The following ARHGEF26 variants were observed in gnomAD, a reference collection of about 807,000 sequenced individuals.
The protein encoded by ARHGEF26 is Rho guanine nucleotide exchange factor 26.
ARHGEF26 carries 59 observed loss-of-function variants against 89.4 expected under a neutral mutation model. The ratio of observed to expected loss-of-function variants is 0.66; its 90% confidence interval spans 0.54 to 0.82. The LOEUF (loss-of-function observed/expected upper bound fraction) is 0.82, where lower values mean the gene tolerates loss of function less well. Ranked by LOEUF, ARHGEF26 falls within the 40% of genes least tolerant of loss-of-function variation. The pLI, the probability that ARHGEF26 is intolerant of heterozygous loss-of-function variation, is 0.00. For missense variants in ARHGEF26, 1,234 were observed against 1,085.6 expected, an observed-to-expected ratio of 1.14 and a Z score of -1.92; for synonymous variants, 500 against 428.4, an observed-to-expected ratio of 1.17 and a Z score of -2.06.
Position 154,122,170 on chromosome 3 carries a change from C to G in ARHGEF26, c.178C>G (p.Leu60Val), listed in dbSNP as rs59508481. The change falls in exon 2 of 15, where the codon CTC becomes GTC. Residue 60 changes from leucine (L) to valine (V), a missense_variant. Leu to Val is a conservative substitution (Grantham distance 32, BLOSUM62 1). Transcript: ENST00000465093. The stretch of plus-strand genomic sequence containing the variant: ...CCCGGTGGAGGACGGAGGGACGCTC[C>G]TCGCAGCGCAGATTCCCGCCCAGGT... The part of the protein sequence containing the change: ...DFPVEDGGTL[L>V]AAQIPAQVPT... 6.3e-7 allele frequency: 1 copy of G among 1,597,490 alleles called. No individual in the cohort carries two copies. The highest frequency in any genetic ancestry group is 8.5e-7 in the Non-Finnish European group (1 of 1,172,236).
intron 4 of ARHGEF26, among the ~76,000 whole-genome samples, chr3:154,132,795 A>G (rs942472048): frequency 6.6e-6 from 1 of 152,178 alleles, no homozygotes; most frequent in South Asian, 2.1e-4. Context: ...TATAATGTAT[A>G]TATTAAACCT....
Position 154,256,723 on chromosome 3 carries a change from A to G in ARHGEF26, c.*1250A>G. On this transcript the variant is annotated 3_prime_UTR_variant, in exon 15 of 15. Transcript: ENST00000465093. ...AAGGAAGGGAAAATTAGGCCTTAAA[A>G]GATACCAAGAAGTCAGCATGGTACC... 7.3e-7 allele frequency: 1 copy of G among 1,370,370 alleles called. No homozygotes were observed. The highest frequency in any genetic ancestry group is 9.4e-7 in the Non-Finnish European group (1 of 1,067,990). 84.9% of individuals were successfully genotyped at this position (1,370,370 alleles called of 1,614,324 possible).
At chr3:154,226,612 T>C (rs906199792) in intron 11 of ARHGEF26, among the ~76,000 whole-genome samples, 2 of 151,968 alleles carry the variant, frequency 1.3e-5, no homozygotes, top group Admixed American at 6.6e-5. Context: ...AAGAATATTG[T>C]AGAAACCTTT....
chr3:154,234,919 C>A (rs1246164529), intron 11 of ARHGEF26, among the ~76,000 whole-genome samples: 1 of 152,128 alleles, frequency 6.6e-6, no homozygotes, highest in South Asian at 2.1e-4. Flanking sequence ...GCGCTCACCA[C>A]CGCGCCCGGC....
chr3:154,143,339 C>T (rs779890627), intron 4 of ARHGEF26, among the ~76,000 whole-genome samples: 15 of 151,992 alleles, frequency 9.9e-5, no homozygotes, highest in Non-Finnish European at 1.5e-4. Context: ...TTAACAGTGT[C>T]GTAAATATCT....
At chr3:154,128,369 C>G (rs1298992362) in intron 3 of ARHGEF26, among the ~76,000 whole-genome samples, 1 of 152,110 alleles carries the variant, frequency 6.6e-6, no homozygotes, top group Non-Finnish European at 1.5e-5. Context: ...TCCCGAGTAG[C>G]TGGGACCACA....
chr3:154,234,997 T>C lies in ARHGEF26; in HGVS notation c.2091-5373T>C, dbSNP rs575588088. ...CAGGATGGTCTCGATCTCCTGACCT[T>C]GTGATCCGCCCGCCTTGGCCTCCCT... On this transcript the variant is annotated intron_variant, in intron 11 of 14. Transcript: ENST00000465093. Among the ~76,000 whole-genome samples the C allele has an allele frequency of 3.3e-3, 495 of 152,214 alleles. 2 individuals are homozygous for C. Among genetic ancestry groups the C allele is most frequent in the Admixed American group, 0.013 (193 of 15,294 alleles).
chr3:154,250,962 T>G (rs993630338), intron 12 of ARHGEF26, among the ~76,000 whole-genome samples: 2 of 149,280 alleles, frequency 1.3e-5, no homozygotes, highest in African/African-American at 2.5e-5. Flanking sequence ...TGTCCTGTAT[T>G]AGAGAGAGAG....
At chr3:154,245,685 A>G (rs559717886) in intron 12 of ARHGEF26, among the ~76,000 whole-genome samples, 1 of 152,108 alleles carries the variant, frequency 6.6e-6, no homozygotes, top group South Asian at 2.1e-4. Flanking sequence ...TTTCTGTCTC[A>G]CCCACCCTCC....
chr3:154,199,418 A>T (rs955440616), intron 9 of ARHGEF26, among the ~76,000 whole-genome samples: 5 of 151,960 alleles, frequency 3.3e-5, no homozygotes, highest in African/African-American at 1.2e-4. Context: ...TGGCTGCATG[A>T]TACTCCATTG....
At chr3:154,125,769 A>G (rs1718293206) in intron 3 of ARHGEF26, among the ~76,000 whole-genome samples, 4 of 152,130 alleles carry the variant, frequency 2.6e-5, no homozygotes, top group African/African-American at 9.7e-5. Flanking sequence ...CTCAAATATA[A>G]TGACCTAGAA....
chr3:154,228,367 C>T (rs1340465574), intron 11 of ARHGEF26, among the ~76,000 whole-genome samples: 1 of 151,684 alleles, frequency 6.6e-6, no homozygotes, highest in African/African-American at 2.4e-5. Context: ...GAACTCCTGA[C>T]CTCAGGTGAT....
intron 7 of ARHGEF26, among the ~76,000 whole-genome samples, chr3:154,190,904 T>C (rs2108186043): frequency 6.6e-6 from 1 of 152,302 alleles, no homozygotes; most frequent in Admixed American, 6.5e-5. Flanking sequence ...TTTATGATCT[T>C]ATTAATGATA....
intron 11 of ARHGEF26, among the ~76,000 whole-genome samples, chr3:154,238,684 G>C (rs892790080): frequency 6.6e-6 from 1 of 152,096 alleles, no homozygotes; most frequent in Non-Finnish European, 1.5e-5. Context: ...GCGTATATTA[G>C]AATTTATTGC....
At chr3:154,134,053 A>G (rs1317619053) in intron 4 of ARHGEF26, among the ~76,000 whole-genome samples, 1 of 152,014 alleles carries the variant, frequency 6.6e-6, no homozygotes, top group Non-Finnish European at 1.5e-5. Flanking sequence ...GTATCCTGAG[A>G]CTTTGCTGAA....
intron 6 of ARHGEF26, among the ~76,000 whole-genome samples, chr3:154,161,816 A>T (rs1231247341): frequency 6.6e-6 from 1 of 152,110 alleles, no homozygotes; most frequent in African/African-American, 2.4e-5. Flanking sequence ...ATTTTTTCCA[A>T]CCAGCCTGGT....
intron 12 of ARHGEF26, among the ~76,000 whole-genome samples, chr3:154,244,774 A>G (rs927056754): frequency 2.6e-5 from 4 of 152,082 alleles, no homozygotes; most frequent in Admixed American, 2.0e-4. Context: ...GTGACTCACA[A>G]AGGCCATACA....
chr3:154,222,361 G>T (rs546339802), intron 10 of ARHGEF26, among the ~76,000 whole-genome samples: 287 of 152,302 alleles, frequency 1.9e-3, no homozygotes, highest in Non-Finnish European at 2.9e-3. Flanking sequence ...AGCATCCCTG[G>T]ATTGGCACTT....
chr3:154,191,495 C>T, intron 8 of ARHGEF26, 77 bp downstream of exon 8: 28 of 1,497,432 alleles, frequency 1.9e-5, no homozygotes, highest in Non-Finnish European at 2.5e-5. Flanking sequence ...TATTATTATT[C>T]CACTTAAATT....
Sources: gnomAD v4.1 joint callset for allele counts (sites outside exome capture counted in the v4.1 genomes callset) on GRCh38, gnomAD v4.1.1 for gene constraint, MANE v1.5 for transcripts, NCBI Gene and HGNC (gene_info 2026-07-23, HGNC 2026-07-21) for gene names.